The following SLC35F3 variants were observed in gnomAD, a reference collection of about 807,000 sequenced individuals.
SLC35F3 encodes putative thiamine transporter SLC35F3.
In SLC35F3, 25 loss-of-function variants were observed where a neutral mutation model predicts 49.9. The ratio of observed to expected loss-of-function variants is 0.50; its 90% CI spans 0.37 to 0.70. The LOEUF is 0.70. SLC35F3 is among the 30% of genes least tolerant of loss of function. The pLI is 0.00. For synonymous variants in SLC35F3, 275 were observed against 265.4 expected, an observed-to-expected ratio of 1.04 and a Z score of -0.35; for missense variants, 525 against 639.8, an observed-to-expected ratio of 0.82 and a Z score of 1.94.
intron 3 of SLC35F3, among the ~76,000 whole-genome samples, chr1:234,271,694 A>G (rs990608068): frequency 1.3e-5 from 2 of 152,234 alleles, no homozygotes; most frequent in African/African-American, 4.8e-5. Flanking sequence ...TTATCATATC[A>G]TGAATAGACT....
At chr1:233,982,500 G>A (rs1162314760) in intron 2 of SLC35F3, among the ~76,000 whole-genome samples, 3 of 151,970 alleles carry the variant, frequency 2.0e-5, no homozygotes, top group Non-Finnish European at 4.4e-5. Context: ...TCAGCCTCCT[G>A]GGTAGCTGGG....
intron 3 of SLC35F3, among the ~76,000 whole-genome samples, chr1:234,241,671 G>T (rs1258455501): frequency 1.3e-5 from 2 of 150,888 alleles, no homozygotes; most frequent in African/African-American, 2.4e-5. Context: ...GAAGGTGGAG[G>T]TTGCAGTGAG....
At chr1:233,941,661 G>A (rs1339937952) in intron 2 of SLC35F3, among the ~76,000 whole-genome samples, 1 of 152,128 alleles carries the variant, frequency 6.6e-6, no homozygotes, top group African/African-American at 2.4e-5. Flanking sequence ...GATGATCAGG[G>A]AACTCTGTAC....
At chr1:234,006,229 G>A (rs1348433761) in intron 2 of SLC35F3, among the ~76,000 whole-genome samples, 1 of 152,064 alleles carries the variant, frequency 6.6e-6, no homozygotes, top group African/African-American at 2.4e-5. Flanking sequence ...GAGAATAAAT[G>A]GCTAGTTCAT....
At chr1:234,204,529 G>C (rs1285720589) in intron 2 of SLC35F3, among the ~76,000 whole-genome samples, 1 of 152,102 alleles carries the variant, frequency 6.6e-6, no homozygotes, top group East Asian at 1.9e-4. Flanking sequence ...ATGCACCCCT[G>C]GAGCCCTGAG....
chr1:234,280,182 A>G (rs1430735999), intron 3 of SLC35F3, among the ~76,000 whole-genome samples: 3 of 152,230 alleles, frequency 2.0e-5, no homozygotes, highest in Non-Finnish European at 2.9e-5. Flanking sequence ...GCTTCAATCC[A>G]TTGCACATTA....
intron 2 of SLC35F3, among the ~76,000 whole-genome samples, chr1:234,066,056 G>GT (rs938913397): frequency 5.3e-5 from 8 of 152,164 alleles, no homozygotes; most frequent in Non-Finnish European, 8.8e-5. Flanking sequence ...TCTGGTATCC[G>GT]TATCAATGGG....
At chr1:234,047,930 CA>C (rs1181944734) in intron 2 of SLC35F3, among the ~76,000 whole-genome samples, 2 of 152,084 alleles carry the variant, frequency 1.3e-5, no homozygotes, top group Non-Finnish European at 2.9e-5. Context: ...AGTGAATAAT[CA>C]TGAACAGAAT....
intron 2 of SLC35F3, among the ~76,000 whole-genome samples, chr1:234,186,420 C>A (rs1262879624): frequency 6.6e-6 from 1 of 152,208 alleles, no homozygotes. Flanking sequence ...GGATGCGTAG[C>A]AAACCCTGAG....
intron 2 of SLC35F3, among the ~76,000 whole-genome samples, chr1:234,050,400 A>AT (rs1664358331): frequency 6.6e-6 from 1 of 152,090 alleles, no homozygotes; most frequent in Admixed American, 6.5e-5. Flanking sequence ...GATGATGAGC[A>AT]TTTTTTCATG....
intron 2 of SLC35F3, among the ~76,000 whole-genome samples, chr1:234,039,949 G>T (rs762863591): frequency 6.6e-5 from 10 of 152,146 alleles, no homozygotes; most frequent in Non-Finnish European, 1.5e-4. Flanking sequence ...ACATGGGGTG[G>T]CTGCCCTCCA....
intron 1 of SLC35F3, 50 bp from the exon 2 acceptor site, chr1:233,905,479 G>A: frequency 7.3e-7 from 1 of 1,374,814 alleles, no homozygotes; most frequent in Non-Finnish European, 1.0e-6. Flanking sequence ...CCTCCTCTCT[G>A]TCCATGCTCC....
At chr1:234,244,907 T>G (rs1468759074) in intron 3 of SLC35F3, among the ~76,000 whole-genome samples, 1 of 152,264 alleles carries the variant, frequency 6.6e-6, no homozygotes, top group African/African-American at 2.4e-5. Flanking sequence ...GACTATGTAA[T>G]GATCAAGTCA....
chr1:233,956,659 T>G (rs539660234), intron 2 of SLC35F3, among the ~76,000 whole-genome samples: 2 of 152,018 alleles, frequency 1.3e-5, no homozygotes, highest in South Asian at 4.1e-4. Flanking sequence ...CCAGCTGCCT[T>G]TTGAATGGCT....
chr1:234,231,423 A>T lies in SLC35F3; in HGVS notation c.290A>T (p.Glu97Val). The change falls in exon 3 of 8, where the codon GAG becomes GTG. Residue 97 changes from glutamate to valine, a missense_variant. Transcript: ENST00000366618. This position sits in a 1 kb window ranked among gnomAD's most constrained non-coding sequence, Gnocchi z 5.4. ...QPWAASCKRE[E>V]RPRDSPGPAE... is the part of the protein sequence containing the mutation. ...ACGCCCTTCTCTTCCCCAGGGGAGG[A>T]GCGCCCCCGGGACTCCCCGGGCCCG... The T allele has an allele frequency of 6.4e-7, 1 of 1,552,808 alleles. No individual in the cohort carries two copies. Among genetic ancestry groups the T allele is most frequent in the Non-Finnish European group, 8.7e-7 (1 of 1,152,414 alleles).
Position 234,080,277 on chromosome 1 carries a change from A to G in SLC35F3, c.284-151140A>G, listed in dbSNP as rs564724228. On this transcript the variant is annotated intron_variant, in intron 2 of 7. Coordinates refer to ENST00000366618, the MANE Select transcript of SLC35F3 (RefSeq NM_173508.4). ...GAGAGGTTGCTGTGCCTGGGAGGGC[A>G]TGGAAGCTCCATGCCCTTTTATTAT... is the stretch of plus-strand genomic sequence containing the variant. Among the ~76,000 whole-genome samples, 9 of 152,324 alleles carry G rather than the reference A, an allele frequency of 5.9e-5. No individual in the cohort carries two copies. In the East Asian group the frequency reaches 1.3e-3, roughly 23 times the overall value.
intron 2 of SLC35F3, among the ~76,000 whole-genome samples, chr1:234,056,268 A>C (rs1664455834): frequency 6.6e-6 from 1 of 150,530 alleles, no homozygotes; most frequent in African/African-American, 2.4e-5. Flanking sequence ...ATATAATATT[A>C]ATTAATCTCT....
intron 2 of SLC35F3, among the ~76,000 whole-genome samples, chr1:234,176,132 C>CTACCTGAGCCA (rs373939569): frequency 6.4e-4 from 98 of 152,284 alleles, no homozygotes; most frequent in African/African-American, 2.2e-3. Context: ...AGATGATCTC[C>CTACCTGAGCCA]TACCTGAGCC....
chr1:234,118,336 T>G (rs928059125), intron 2 of SLC35F3, among the ~76,000 whole-genome samples: 1 of 152,112 alleles, frequency 6.6e-6, no homozygotes, highest in Non-Finnish European at 1.5e-5. Flanking sequence ...TATGAAGAGT[T>G]TGTATCGTCG....
Sources: allele counts gnomAD v4.1 joint callset (sites outside exome capture counted in the v4.1 genomes callset), GRCh38; gene constraint gnomAD v4.1.1; non-coding constraint Gnocchi (gnomAD v3.1); transcripts MANE v1.5; gene names NCBI Gene and HGNC (gene_info 2026-07-23, HGNC 2026-07-21).